The following LRP1B variants were observed in gnomAD, a reference collection of about 807,000 sequenced individuals.
LRP1B encodes the protein low-density lipoprotein receptor-related protein 1B.
In LRP1B, 217 loss-of-function variants were observed where a neutral mutation model predicts 556.6. The ratio of observed to expected loss-of-function variants is 0.39; its 90% confidence interval spans 0.35 to 0.44. The LOEUF is 0.44. Ranked by LOEUF, LRP1B falls within the 20% of genes least tolerant of loss-of-function variation. LRP1B has a pLI of 1.00. For synonymous variants in LRP1B, 2,047 were observed against 1,865.8 expected (o/e 1.10, Z -2.50); for missense variants, 5,053 against 5,620.8 (o/e 0.90, Z 3.23).
At chr2:140,453,554 A>G (rs1026831602) in intron 62 of LRP1B, among the ~76,000 whole-genome samples, 3 of 152,144 alleles carry the variant, frequency 2.0e-5, no homozygotes, top group South Asian at 2.1e-4. Flanking sequence ...ATATGTGTCT[A>G]CTAATATGAA....
intron 6 of LRP1B, among the ~76,000 whole-genome samples, chr2:141,222,391 G>A (rs564445147): frequency 4.2e-4 from 64 of 152,122 alleles, no homozygotes; most frequent in Middle Eastern, 3.4e-3. Context: ...CTAATAAATA[G>A]CCTACCAACC....
intron 3 of LRP1B, among the ~76,000 whole-genome samples, chr2:141,354,290 T>C (rs913274625): frequency 2.0e-4 from 31 of 152,028 alleles, no homozygotes; most frequent in African/African-American, 7.5e-4. Flanking sequence ...GAGATATCAC[T>C]AAACCAGAAC....
At chr2:141,724,569 G>T (rs747476641) in intron 2 of LRP1B, among the ~76,000 whole-genome samples, 1 of 151,894 alleles carries the variant, frequency 6.6e-6, no homozygotes, top group Non-Finnish European at 1.5e-5. Flanking sequence ...GATACTCTAC[G>T]CCAGGCAAAT....
intron 41 of LRP1B, among the ~76,000 whole-genome samples, chr2:140,695,801 T>C (rs554814535): frequency 1.3e-5 from 2 of 152,192 alleles, no homozygotes; most frequent in African/African-American, 4.8e-5. Flanking sequence ...GAAGACATTT[T>C]CATCCTTATT....
intron 1 of LRP1B, among the ~76,000 whole-genome samples, chr2:142,096,042 A>C (rs1013108367): frequency 6.6e-6 from 1 of 151,686 alleles, no homozygotes; most frequent in African/African-American, 2.4e-5. Flanking sequence ...CCACTTAACT[A>C]TTTTTTGTGT....
At chr2:141,435,453 T>G (rs548730349) in intron 3 of LRP1B, among the ~76,000 whole-genome samples, 26 of 152,308 alleles carry the variant, frequency 1.7e-4, no homozygotes, top group Non-Finnish European at 3.2e-4. Context: ...TCCACCAAGA[T>G]CTCCATTGTT....
At position 140,599,875 on chromosome 2, in the gene LRP1B, A is replaced by G. The variant is rs115733266; in HGVS notation, c.6990-1040T>C. ...ATAATTAGTAACTGAGCCAAATTTTAAACTTAGAGAACCTAACTTTGATTT... is the reference window on the plus strand; with the variant it reads ...ATAATTAGTAACTGAGCCAAATTTTGAACTTAGAGAACCTAACTTTGATTT... On this transcript the variant is annotated intron_variant, in intron 42 of 90. Transcript: ENST00000389484. Among the ~76,000 whole-genome samples, 1,045 of 152,246 alleles carry G rather than the reference A, an allele frequency of 6.9e-3. 6 individuals are homozygous for G. The highest frequency in any genetic ancestry group is 0.011 in the Non-Finnish European group (780 of 67,994).
At chr2:140,871,766 T>C (rs1185516375) in intron 25 of LRP1B, among the ~76,000 whole-genome samples, 2 of 152,072 alleles carry the variant, frequency 1.3e-5, no homozygotes, top group East Asian at 3.9e-4. Flanking sequence ...CATGCTGCAG[T>C]TTGATAGCTA....
At chr2:141,194,543 C>T (rs191193897) in intron 6 of LRP1B, among the ~76,000 whole-genome samples, 1 of 152,042 alleles carries the variant, frequency 6.6e-6, no homozygotes, top group East Asian at 1.9e-4. Context: ...GTTGAAATCT[C>T]TCAATTTTTT....
intron 3 of LRP1B, among the ~76,000 whole-genome samples, chr2:141,382,809 C>A (rs376152056): frequency 6.6e-6 from 1 of 152,144 alleles, no homozygotes; most frequent in Admixed American, 6.5e-5. Flanking sequence ...TGACATTGGT[C>A]TCAGCAGTGA....
chr2:140,322,024 A>G lies in LRP1B; in HGVS notation c.12579T>C (p.Thr4193=), dbSNP rs1357651354. 1 of 1,613,084 alleles carries G rather than the reference A, an allele frequency of 6.2e-7. No individual in the cohort carries two copies. Among genetic ancestry groups the G allele is most frequent in the Admixed American group, 1.7e-5 (1 of 59,920 alleles). ...FLCLLNPSGA[T]CVCPEGKYLI... ...AATATTTTCCTTCTGGACACACACA[A>G]GTGGCCCCAGAAGGATTTAGCAAGC... The change falls in exon 82 of 91, where the codon ACT becomes ACC. Residue 4193 remains threonine, a synonymous_variant. Transcript: ENST00000389484.
intron 3 of LRP1B, among the ~76,000 whole-genome samples, chr2:141,321,791 A>G (rs1325581668): frequency 6.6e-6 from 1 of 152,126 alleles, no homozygotes; most frequent in Non-Finnish European, 1.5e-5. Context: ...AAAAACTTAT[A>G]TTTTAAATTT....
intron 1 of LRP1B, among the ~76,000 whole-genome samples, chr2:142,115,302 C>T (rs1156442880): frequency 4.7e-5 from 7 of 149,026 alleles, no homozygotes; most frequent in East Asian, 2.0e-4. Context: ...AATAAGAAAG[C>T]GCTCAAAAAA....
intron 5 of LRP1B, among the ~76,000 whole-genome samples, chr2:141,235,334 C>G (rs546415526): frequency 6.6e-6 from 1 of 151,732 alleles, no homozygotes; most frequent in Non-Finnish European, 1.5e-5. Flanking sequence ...CCTTCAAGAA[C>G]GATACAATCA....
At chr2:140,758,249 C>T (rs539054388) in intron 35 of LRP1B, among the ~76,000 whole-genome samples, 2 of 151,480 alleles carry the variant, frequency 1.3e-5, no homozygotes, top group African/African-American at 2.4e-5. Context: ...TTACAAATTG[C>T]TAATCATAAC....
chr2:141,450,871 TGA>T (rs1157109186), intron 3 of LRP1B, among the ~76,000 whole-genome samples: 1 of 152,144 alleles, frequency 6.6e-6, no homozygotes, highest in African/African-American at 2.4e-5. Context: ...ATTTGAGCAG[TGA>T]CAATTATGCC....
chr2:140,935,372 G>A (rs933615561), intron 20 of LRP1B, among the ~76,000 whole-genome samples: 4 of 152,052 alleles, frequency 2.6e-5, no homozygotes, highest in South Asian at 2.1e-4. Flanking sequence ...AGCCTTTGGA[G>A]ATGAAAAGTA....
intron 14 of LRP1B, 31 bp from the exon 15 acceptor site, chr2:141,005,488 G>T: frequency 6.2e-7 from 1 of 1,604,920 alleles, no homozygotes; most frequent in Non-Finnish European, 8.5e-7. Context: ...ATGTGTCAGA[G>T]AACTCTGATT....
chr2:141,698,977 T>C (rs1043127245), intron 2 of LRP1B, among the ~76,000 whole-genome samples: 34 of 151,992 alleles, frequency 2.2e-4, no homozygotes, highest in South Asian at 6.2e-4. Context: ...GAGGATGTGT[T>C]AACAGAGTTA....
Sources: gnomAD v4.1 joint callset for allele counts (sites outside exome capture counted in the v4.1 genomes callset) on GRCh38, gnomAD v4.1.1 for gene constraint, MANE v1.5 for transcripts, NCBI Gene and HGNC (gene_info 2026-07-23, HGNC 2026-07-21) for gene names.